The following TUSC3 variants were observed in gnomAD, a reference collection of about 807,000 sequenced individuals.
TUSC3 encodes tumor suppressor candidate 3, also known as dolichyl-diphosphooligosaccharide--protein glycosyltransferase subunit TUSC3.
TUSC3 carries 45 observed loss-of-function variants against 44.8 expected under a neutral mutation model. The ratio of observed to expected loss-of-function variants is 1.00; its 90% CI spans 0.79 to 1.29. TUSC3 has a LOEUF of 1.29. TUSC3 is among the 50% of genes most tolerant of loss of function. The probability of loss-of-function intolerance (pLI) is 0.00; values close to 1 mark genes in which losing one functional copy is unlikely to be tolerated. For missense variants in TUSC3, 519 were observed against 437.9 expected, an observed-to-expected ratio of 1.19 and a Z score of -1.65; for synonymous variants, 212 against 152.9, an observed-to-expected ratio of 1.39 and a Z score of -2.85.
At chr8:15,804,897 C>T in the TUSC3 span, among the ~76,000 whole-genome samples, 1,605 of 152,140 alleles carry the variant, frequency 0.011, 30 homozygotes, top group African/African-American at 0.037. Context: ...AGGAATGGCA[C>T]TGAATTTGTA....
intron 8 of TUSC3, among the ~76,000 whole-genome samples, chr8:15,745,543 T>C (rs1811378208): frequency 6.6e-6 from 1 of 152,110 alleles, no homozygotes; most frequent in Non-Finnish European, 1.5e-5. Flanking sequence ...TTTGCATTTC[T>C]CTGCTGAGTA....
At chr8:15,813,965 T>C in the TUSC3 span, among the ~76,000 whole-genome samples, 1 of 152,278 alleles carries the variant, frequency 6.6e-6, no homozygotes, top group African/African-American at 2.4e-5. Context: ...GTGTGTCTGT[T>C]TCTTCAAAAT....
chr8:15,450,832 G>T (rs1800188462), intron 1 of TUSC3, among the ~76,000 whole-genome samples: 1 of 152,112 alleles, frequency 6.6e-6, no homozygotes, highest in South Asian at 2.1e-4. Context: ...ATTAAAAGGG[G>T]AATTCATAGA....
At chr8:15,632,619 A>G (rs562970913) in intron 2 of TUSC3, among the ~76,000 whole-genome samples, 2 of 152,216 alleles carry the variant, frequency 1.3e-5, no homozygotes, top group Non-Finnish European at 2.9e-5. Context: ...GTATTAATTT[A>G]TAATGTTTGT....
chr8:15,500,619 G>A (rs1416350311), intron 2 of TUSC3, among the ~76,000 whole-genome samples: 1 of 152,072 alleles, frequency 6.6e-6, no homozygotes, highest in African/African-American at 2.4e-5. Flanking sequence ...AGTTGAACCT[G>A]GTAGATGAAT....
chr8:15,531,531 C>A (rs895695474), intron 2 of TUSC3, among the ~76,000 whole-genome samples: 1 of 152,176 alleles, frequency 6.6e-6, no homozygotes, highest in Non-Finnish European at 1.5e-5. Flanking sequence ...GGATTACAGG[C>A]GTGAGCCTCT....
At chr8:15,718,246 T>C (rs1446171047) in intron 6 of TUSC3, among the ~76,000 whole-genome samples, 2 of 152,046 alleles carry the variant, frequency 1.3e-5, no homozygotes, top group African/African-American at 4.8e-5. Flanking sequence ...ACAGAATCAG[T>C]TGGGTCAAAG....
At chr8:15,426,754 G>A (rs1799808988) in intron 1 of TUSC3, among the ~76,000 whole-genome samples, 1 of 152,068 alleles carries the variant, frequency 6.6e-6, no homozygotes, top group Non-Finnish European at 1.5e-5. Flanking sequence ...CTCAGAAGTG[G>A]GATTGCTAGA....
intron 1 of TUSC3, among the ~76,000 whole-genome samples, chr8:15,479,779 T>C (rs1360658244): frequency 6.6e-6 from 1 of 152,124 alleles, no homozygotes; most frequent in African/African-American, 2.4e-5. Flanking sequence ...TTTTTCAACA[T>C]AGTTTTGGAA....
chr8:15,768,071 C>T (rs903221284), downstream of TUSC3, among the ~76,000 whole-genome samples: 1 of 152,120 alleles, frequency 6.6e-6, no homozygotes, highest in African/African-American at 2.4e-5. Context: ...AAGACTAAAA[C>T]AGTGGTAAAC....
downstream of TUSC3, among the ~76,000 whole-genome samples, chr8:15,767,434 G>GA (rs201749533): frequency 0.25 from 32,569 of 131,892 alleles, 3,621 homozygotes; most frequent in East Asian, 0.33. Context: ...AGAAAAACAG[G>GA]AAAAAAAAAA....
chr8:15,450,384 C>CTGTA (rs79247494), intron 1 of TUSC3, among the ~76,000 whole-genome samples: 10,358 of 152,188 alleles, frequency 0.068, 358 homozygotes, highest in East Asian at 0.14. Context: ...ACTCAAGGTG[C>CTGTA]TATTTAAAAG....
the TUSC3 span, among the ~76,000 whole-genome samples, chr8:15,851,994 G>A: frequency 9.2e-5 from 14 of 152,076 alleles, no homozygotes; most frequent in Non-Finnish European, 1.5e-4. Flanking sequence ...CTTGTCTCCC[G>A]CCATGTGAGA....
chr8:15,476,084 A>T (rs1409941103), intron 1 of TUSC3, among the ~76,000 whole-genome samples: 2 of 152,202 alleles, frequency 1.3e-5, no homozygotes, highest in African/African-American at 2.4e-5. Flanking sequence ...GAATAACGTG[A>T]ACTTTTTTAA....
At chr8:15,840,043 A>C in the TUSC3 span, among the ~76,000 whole-genome samples, 2 of 152,228 alleles carry the variant, frequency 1.3e-5, no homozygotes, top group Non-Finnish European at 2.9e-5. Context: ...AATACTATGC[A>C]GCCATAAAAA....
At chr8:15,806,503 C>G in the TUSC3 span, 1 of 1,094,240 alleles carries the variant, frequency 9.1e-7, no homozygotes, top group Non-Finnish European at 1.4e-6. Context: ...TGTAAACTTT[C>G]TCAGGGTCAT....
intron 7 of TUSC3, among the ~76,000 whole-genome samples, chr8:15,739,917 C>CTTCT (rs1554485062): frequency 6.6e-6 from 1 of 151,442 alleles, no homozygotes; most frequent in Non-Finnish European, 1.5e-5. Context: ...CTTCAGTTTC[C>CTTCT]TTGTTTGTAA....
At chr8:15,542,087 C>T (rs1422032878) in intron 1 of TUSC3, among the ~76,000 whole-genome samples, 1 of 151,448 alleles carries the variant, frequency 6.6e-6, no homozygotes, top group Non-Finnish European at 1.5e-5. Context: ...GGTCAGGGTA[C>T]AGCTGGCTTT....
chr8:15,757,671 C>T (rs1482077278), intron 9 of TUSC3, 120 bp from the exon 10 acceptor site: 4 of 631,348 alleles, frequency 6.3e-6, no homozygotes, highest in African/African-American at 4.9e-5. Context: ...CGTCTATCCC[C>T]TGTCTTATCT....
Sources: allele counts gnomAD v4.1 joint callset (sites outside exome capture counted in the v4.1 genomes callset), GRCh38; gene constraint gnomAD v4.1.1; transcripts MANE v1.5; gene names NCBI Gene and HGNC (gene_info 2026-07-23, HGNC 2026-07-21).